MAP2: variants seen among roughly 807,000 people sequenced by gnomAD.
MAP2 encodes the protein microtubule associated protein 2.
A neutral mutation model predicts 137.6 loss-of-function variants in MAP2; 14 were observed. The observed-to-expected ratio is 0.10, with a 90% CI of 0.07 to 0.16. The LOEUF is 0.16. MAP2 is among the 10% of genes least tolerant of loss of function. The pLI, the probability that MAP2 is intolerant of heterozygous loss-of-function variation, is 1.00. For missense variants in MAP2, 2,088 were observed against 2,191.5 expected, an observed-to-expected ratio of 0.95 and a Z score of 0.94; for synonymous variants, 786 against 782.3, an observed-to-expected ratio of 1.00 and a Z score of -0.08.
intron 5 of MAP2, among the ~76,000 whole-genome samples, chr2:209,654,279 C>A (rs893717408): frequency 2.0e-5 from 3 of 152,114 alleles, no homozygotes; most frequent in Non-Finnish European, 4.4e-5. Flanking sequence ...TATGTCATAT[C>A]TTTGCAAAAA....
In MAP2 at chr2:209,695,033, A is replaced by G; in HGVS notation, c.2863A>G (p.Lys955Glu). 1 of 1,614,186 alleles carries G rather than the reference A, an allele frequency of 6.2e-7. No individual in the cohort carries two copies. The highest frequency in any genetic ancestry group is 8.5e-7 in the Non-Finnish European group (1 of 1,180,032). ...GAGTAAGGAGTTTGACCAAGAGAAG[A>G]AAGCTAATGATAGGTTGGATACTGT... ...GLSKEFDQEK[K>E]ANDRLDTVLE... The change falls in exon 8 of 16, where the codon AAA becomes GAA. Residue 955 changes from lysine (K) to glutamate (E), a missense_variant. This residue lies in a region of MAP2 where 500 missense variants were observed against 482.9 expected (regional missense o/e 1.04). Transcript: ENST00000682079.
chr2:209,548,726 G>C (rs12105310), intron 2 of MAP2, among the ~76,000 whole-genome samples: 2 of 151,976 alleles, frequency 1.3e-5, no homozygotes, highest in Non-Finnish European at 1.5e-5. Context: ...GGTTTCTCCC[G>C]TGCTCTTCTT....
At chr2:209,612,964 C>T (rs2087498836) in intron 3 of MAP2, among the ~76,000 whole-genome samples, 1 of 152,084 alleles carries the variant, frequency 6.6e-6, no homozygotes, top group East Asian at 1.9e-4. Context: ...AAAGTTATAT[C>T]AGGATCTAAT....
chr2:209,659,786 C>T (rs1184925383), intron 5 of MAP2, among the ~76,000 whole-genome samples: 1 of 151,850 alleles, frequency 6.6e-6, no homozygotes, highest in Non-Finnish European at 1.5e-5. Context: ...TGCCTGGAAT[C>T]CCAGCACTTT....
At chr2:209,654,704 G>T (rs578109315) in intron 5 of MAP2, among the ~76,000 whole-genome samples, 2 of 152,236 alleles carry the variant, frequency 1.3e-5, no homozygotes, top group African/African-American at 4.8e-5. Flanking sequence ...AGGGATTGCA[G>T]CATGAGGAGA....
intron 3 of MAP2, among the ~76,000 whole-genome samples, chr2:209,588,555 T>C (rs1314464349): frequency 6.6e-6 from 1 of 152,168 alleles, no homozygotes; most frequent in Non-Finnish European, 1.5e-5. Context: ...ATGTCTCTTT[T>C]TGGGAAGATC....
chr2:209,663,343 T>C (rs1335022664), intron 5 of MAP2, among the ~76,000 whole-genome samples: 1 of 152,102 alleles, frequency 6.6e-6, no homozygotes, highest in Non-Finnish European at 1.5e-5. Flanking sequence ...GCTTCAGCAT[T>C]ATCTGACCTG....
intron 2 of MAP2, among the ~76,000 whole-genome samples, chr2:209,570,527 T>C (rs2074226677): frequency 6.6e-6 from 1 of 151,964 alleles, no homozygotes; most frequent in South Asian, 2.1e-4. Flanking sequence ...ATCAGAATCA[T>C]GTCATATGCT....
At chr2:209,431,217 TA>T (rs1224970786) in intron 1 of MAP2, among the ~76,000 whole-genome samples, 3 of 152,080 alleles carry the variant, frequency 2.0e-5, no homozygotes, top group South Asian at 4.1e-4. Context: ...AGTTCTCCAT[TA>T]AAAAAATGGC....
rs1253402741 is a variant in MAP2, at chr2:209,733,917, G to A, written c.*3520G>A. ...CAACAAAAAGTATACTCTGTATGCTGGGATTCCGAGGTTCCAACACACTGT... is the reference window on the plus strand; with the variant it reads ...CAACAAAAAGTATACTCTGTATGCTAGGATTCCGAGGTTCCAACACACTGT... On this transcript the variant is annotated 3_prime_UTR_variant, in exon 16 of 16. Transcript: ENST00000682079. 1 of 152,566 alleles carries A rather than the reference G, an allele frequency of 6.6e-6. No individual in the cohort carries two copies. The highest frequency in any genetic ancestry group is 1.5e-5 in the Non-Finnish European group (1 of 68,038). 9.5% of individuals were successfully genotyped at this position (152,566 alleles called of 1,614,324 possible).
intron 4 of MAP2, among the ~76,000 whole-genome samples, chr2:209,626,602 C>T (rs932966200): frequency 1.3e-5 from 2 of 152,164 alleles, no homozygotes; most frequent in Non-Finnish European, 2.9e-5. Context: ...ATATAACCTT[C>T]CTGTGTGTGT....
intron 4 of MAP2, among the ~76,000 whole-genome samples, chr2:209,630,998 C>G (rs2092949652): frequency 5.8e-5 from 1 of 17,324 alleles, no homozygotes; most frequent in African/African-American, 9.8e-5. Flanking sequence ...TTGAAGGGAG[C>G]TACAAGCAAA....
intron 2 of MAP2, among the ~76,000 whole-genome samples, chr2:209,525,945 A>G (rs1444764351): frequency 6.6e-6 from 1 of 151,486 alleles, no homozygotes; most frequent in Non-Finnish European, 1.5e-5. Flanking sequence ...AGCCAATTCT[A>G]TTTTTGCATT....
intron 7 of MAP2, chr2:209,690,872 T>A (rs538380859): frequency 8.0e-7 from 1 of 1,251,668 alleles, no homozygotes; most frequent in African/African-American, 1.6e-5. Context: ...AGGATTTGCA[T>A]GTGTTTTGTT....
chr2:209,713,069 A>G (rs2066061222), intron 13 of MAP2, among the ~76,000 whole-genome samples: 1 of 152,214 alleles, frequency 6.6e-6, no homozygotes, highest in Non-Finnish European at 1.5e-5. Context: ...AATTCTTATT[A>G]AAGAAGATGG....
intron 2 of MAP2, among the ~76,000 whole-genome samples, chr2:209,511,835 G>T (rs1035644267): frequency 2.0e-5 from 3 of 152,178 alleles, no homozygotes; most frequent in African/African-American, 7.2e-5. Flanking sequence ...GCCTCTGAAG[G>T]TGCTAGGATT....
chr2:209,539,084 G>T (rs1174786783), intron 2 of MAP2, among the ~76,000 whole-genome samples: 1 of 152,098 alleles, frequency 6.6e-6, no homozygotes, highest in Non-Finnish European at 1.5e-5. Context: ...CTTAATTTAT[G>T]ATATGCTGGA....
intron 2 of MAP2, among the ~76,000 whole-genome samples, chr2:209,527,245 G>T (rs1176297750): frequency 6.6e-6 from 1 of 151,952 alleles, no homozygotes; most frequent in East Asian, 1.9e-4. Flanking sequence ...TTTCTCCATA[G>T]CATTTCTATA....
At chr2:209,637,757 G>A (rs1398916574) in intron 4 of MAP2, among the ~76,000 whole-genome samples, 3 of 152,036 alleles carry the variant, frequency 2.0e-5, no homozygotes, top group Admixed American at 1.3e-4. Flanking sequence ...AGGTTTAATA[G>A]AAGATTAATT....
Sources: allele counts gnomAD v4.1 joint callset (sites outside exome capture counted in the v4.1 genomes callset), GRCh38; gene constraint gnomAD v4.1.1; regional missense constraint gnomAD v4.1.1; transcripts MANE v1.5; gene names NCBI Gene and HGNC (gene_info 2026-07-23, HGNC 2026-07-21).